The following PTPRD variants were observed in gnomAD, a reference collection of about 807,000 sequenced individuals.
The protein encoded by PTPRD is protein tyrosine phosphatase receptor type D.
In PTPRD, 34 loss-of-function variants were observed where a neutral mutation model predicts 214.5. The ratio of observed to expected loss-of-function variants is 0.16; its 90% confidence interval spans 0.12 to 0.21. The LOEUF (loss-of-function observed/expected upper bound fraction) is 0.21. PTPRD is among the 10% of genes least tolerant of loss of function. The pLI, the probability that PTPRD is intolerant of heterozygous loss-of-function variation, is 1.00. For missense variants in PTPRD, 2,545 were observed against 2,398.7 expected, an observed-to-expected ratio of 1.06 and a Z score of -1.27; for synonymous variants, 1,128 against 845.7, an observed-to-expected ratio of 1.33 and a Z score of -5.79.
At chr9:9,221,928 C>A (rs1414119065) in intron 9 of PTPRD, among the ~76,000 whole-genome samples, 1 of 152,036 alleles carries the variant, frequency 6.6e-6, no homozygotes, top group Non-Finnish European at 1.5e-5. Flanking sequence ...CACCCTAGAC[C>A]TACTGAGTCA....
chr9:10,408,800 C>G (rs1237239317), intron 2 of PTPRD, among the ~76,000 whole-genome samples: 1 of 151,598 alleles, frequency 6.6e-6, no homozygotes, highest in Admixed American at 6.6e-5. Context: ...AGTTTCTACA[C>G]CTTAGAACAT....
At chr9:9,217,267 G>A (rs964672825) in intron 9 of PTPRD, among the ~76,000 whole-genome samples, 6 of 151,974 alleles carry the variant, frequency 3.9e-5, no homozygotes, top group African/African-American at 7.3e-5. Context: ...ACTTTATAAG[G>A]GTCTTGTATA....
intron 11 of PTPRD, among the ~76,000 whole-genome samples, chr9:8,803,770 T>C (rs763406046): frequency 2.6e-5 from 4 of 151,316 alleles, no homozygotes; most frequent in Non-Finnish European, 5.9e-5. Context: ...AAGTACGAAA[T>C]CATGTTTGGT....
intron 5 of PTPRD, among the ~76,000 whole-genome samples, chr9:9,797,077 G>A (rs1227014585): frequency 2.6e-5 from 4 of 151,894 alleles, no homozygotes; most frequent in Admixed American, 2.0e-4. Flanking sequence ...GTCACACACT[G>A]TACTTTAAAG....
At chr9:9,362,313 A>C (rs564895773) in intron 9 of PTPRD, among the ~76,000 whole-genome samples, 113 of 151,326 alleles carry the variant, frequency 7.5e-4, no homozygotes, top group Admixed American at 1.2e-3. Flanking sequence ...ATATATAGGC[A>C]TATAAAACAC....
chr9:10,226,809 C>T (rs1488784357), intron 3 of PTPRD, among the ~76,000 whole-genome samples: 1 of 151,998 alleles, frequency 6.6e-6, no homozygotes, highest in Admixed American at 6.6e-5. Flanking sequence ...ATAGTTTAAA[C>T]TCTAACTTAT....
intron 34 of PTPRD, among the ~76,000 whole-genome samples, chr9:8,444,242 A>G (rs1456870384): frequency 1.3e-5 from 2 of 152,298 alleles, no homozygotes; most frequent in Non-Finnish European, 2.9e-5. Flanking sequence ...ACATTTTGAT[A>G]TCTATAGAAC....
At chr9:8,736,075 C>A (rs1271811694) in intron 11 of PTPRD, among the ~76,000 whole-genome samples, 1 of 152,122 alleles carries the variant, frequency 6.6e-6, no homozygotes, top group African/African-American at 2.4e-5. Flanking sequence ...GAAAGATTAA[C>A]TGACAACTGG....
intron 9 of PTPRD, among the ~76,000 whole-genome samples, chr9:9,315,491 G>A (rs758476327): frequency 2.0e-5 from 3 of 151,946 alleles, no homozygotes; most frequent in Non-Finnish European, 4.4e-5. Context: ...CAAAGTCTAT[G>A]TTTTTCTATA....
At chr9:10,362,826 G>T (rs1428892485) in intron 2 of PTPRD, among the ~76,000 whole-genome samples, 1 of 152,168 alleles carries the variant, frequency 6.6e-6, no homozygotes, top group Non-Finnish European at 1.5e-5. Flanking sequence ...GTGGCAGTGA[G>T]CCGACATCGT....
chr9:8,482,914 A>G (rs1489963493), intron 30 of PTPRD, among the ~76,000 whole-genome samples: 1 of 152,112 alleles, frequency 6.6e-6, no homozygotes. Flanking sequence ...AAGTTCAGAA[A>G]CTTTATTGAC....
chr9:9,058,809 CAT>C (rs1206388676), intron 10 of PTPRD, among the ~76,000 whole-genome samples: 1 of 151,994 alleles, frequency 6.6e-6, no homozygotes, highest in African/African-American at 2.4e-5. Context: ...TGTGAAAAAA[CAT>C]GTCATAAAGT....
chr9:9,390,942 C>T (rs961175742), intron 9 of PTPRD, among the ~76,000 whole-genome samples: 1 of 152,076 alleles, frequency 6.6e-6, no homozygotes, highest in African/African-American at 2.4e-5. Context: ...GATTGGATTT[C>T]TAAGAAGATG....
chr9:8,647,569 C>G lies in PTPRD; in HGVS notation c.65-10725G>C, dbSNP rs116810199. ...TTTAGGTTGTTTCTGCTATTTCAAT[C>G]AGAAAAAGACTTCAAAACTTTTTTG... is the stretch of plus-strand genomic sequence containing the variant. On this transcript the variant is annotated intron_variant, in intron 12 of 45. Coordinates refer to ENST00000381196, the MANE Select transcript of PTPRD (RefSeq NM_002839.4). 2.8e-3 allele frequency among the ~76,000 whole-genome samples: 419 copies of G among 152,178 alleles called. 3 individuals are homozygous for G. The highest frequency in any genetic ancestry group is 9.8e-3 in the African/African-American group (406 of 41,524).
rs1483464647 is a variant in PTPRD at position 9,498,572 on chromosome 9, C to T, written c.-237+76160G>A. On this transcript the variant is annotated intron_variant, in intron 8 of 45. Transcript: ENST00000381196. ...TCCTTGTTTGGCCTTTAGTGGCAGG[C>T]AGATTTACTGGGGTTGAGAAAAGAA... Among the ~76,000 whole-genome samples, 3 of 152,034 alleles carry T rather than the reference C, an allele frequency of 2.0e-5. No homozygotes were observed. The East Asian group carries it at 5.8e-4, about 29-fold the overall frequency.
chr9:9,654,441 C>A (rs1209946721), intron 7 of PTPRD, among the ~76,000 whole-genome samples: 1 of 151,738 alleles, frequency 6.6e-6, no homozygotes, highest in Admixed American at 6.6e-5. Context: ...TGTGTGTGTG[C>A]ACATGTATAC....
intron 9 of PTPRD, among the ~76,000 whole-genome samples, chr9:9,362,532 A>G (rs1483270138): frequency 1.3e-5 from 2 of 151,110 alleles, no homozygotes; most frequent in South Asian, 4.1e-4. Context: ...TTGTCAGAAA[A>G]ACATCAACTA....
At chr9:9,566,465 G>C (rs964050506) in intron 8 of PTPRD, among the ~76,000 whole-genome samples, 1 of 151,888 alleles carries the variant, frequency 6.6e-6, no homozygotes, top group Admixed American at 6.6e-5. Flanking sequence ...AAACTTGTGC[G>C]AGAGCTTATA....
In PTPRD at chr9:10,594,537, A is replaced by G. The variant is rs769425678; in HGVS notation, c.-600+17861T>C. Among the ~76,000 whole-genome samples, 9 of 152,130 alleles carry G rather than the reference A, an allele frequency of 5.9e-5. No homozygotes were observed. In the East Asian group the frequency reaches 1.8e-3, roughly 30 times the overall value. On this transcript the variant is annotated intron_variant, in intron 2 of 45. Coordinates refer to ENST00000381196, the MANE Select transcript of PTPRD (RefSeq NM_002839.4). Reference sequence around the variant, plus strand: ...CTGCTGATTGCCTTGAAAGGCAGATATAGAAATGCCTTCAATAAAATGCTA... The same window carrying G: ...CTGCTGATTGCCTTGAAAGGCAGATGTAGAAATGCCTTCAATAAAATGCTA...
Sources: allele counts gnomAD v4.1 joint callset (sites outside exome capture counted in the v4.1 genomes callset), GRCh38; gene constraint gnomAD v4.1.1; transcripts MANE v1.5; gene names NCBI Gene and HGNC (gene_info 2026-07-23, HGNC 2026-07-21).